RASSF8: variants seen among roughly 807,000 people sequenced by gnomAD.
The protein encoded by RASSF8 is ras association domain-containing protein 8.
Under a neutral mutation model 48.5 loss-of-function variants are expected in RASSF8, and 22 were observed. That is an observed-to-expected ratio of 0.45 (90% CI 0.32 to 0.65). The LOEUF is 0.65. Ranked by LOEUF, RASSF8 falls within the 30% of genes least tolerant of loss-of-function variation. The probability of loss-of-function intolerance (pLI) is 0.03; values close to 1 mark genes in which losing one functional copy is unlikely to be tolerated. For missense variants in RASSF8, 418 were observed against 489.2 expected, an observed-to-expected ratio of 0.85 and a Z score of 1.37; for synonymous variants, 127 against 171.5, an observed-to-expected ratio of 0.74 and a Z score of 2.03.
At chr12:26,066,090 A>G (rs944716356) in intron 4 of RASSF8, among the ~76,000 whole-genome samples, 1 of 152,202 alleles carries the variant, frequency 6.6e-6, no homozygotes, top group Non-Finnish European at 1.5e-5. Flanking sequence ...TTAAATTAAG[A>G]TTAAATAATA....
chr12:25,972,957 T>C (rs1231428230), intron 1 of RASSF8, among the ~76,000 whole-genome samples: 1 of 152,234 alleles, frequency 6.6e-6, no homozygotes, highest in Non-Finnish European at 1.5e-5. Context: ...ATGTACTCTT[T>C]GGTGTCTTGG....
At chr12:26,008,908 G>A (rs1410252542) in intron 2 of RASSF8, among the ~76,000 whole-genome samples, 1 of 152,002 alleles carries the variant, frequency 6.6e-6, no homozygotes. Flanking sequence ...TGGTCCTGGT[G>A]CATAGCCAGT....
At chr12:25,977,837 A>G (rs551286075) in intron 1 of RASSF8, among the ~76,000 whole-genome samples, 1 of 152,336 alleles carries the variant, frequency 6.6e-6, no homozygotes, top group Admixed American at 6.5e-5. Flanking sequence ...GACACCAAAC[A>G]GTCTGTGGAA....
chr12:26,005,795 C>T (rs1042568933), intron 2 of RASSF8, among the ~76,000 whole-genome samples: 1 of 152,172 alleles, frequency 6.6e-6, no homozygotes, highest in African/African-American at 2.4e-5. Flanking sequence ...CTTTCTTTTA[C>T]TTTCTCCCAG....
chr12:25,993,877 G>A (rs1485278852), intron 1 of RASSF8, among the ~76,000 whole-genome samples: 2 of 152,096 alleles, frequency 1.3e-5, no homozygotes, highest in African/African-American at 4.8e-5. Context: ...TTTAAGATTT[G>A]GAAGCGGGCA....
Position 26,070,222 on chromosome 12 carries a change from T to C in RASSF8, c.*1404T>C, listed in dbSNP as rs1591823362. On this transcript the variant is annotated 3_prime_UTR_variant, in exon 6 of 6. Coordinates refer to ENST00000689635, the MANE Select transcript of RASSF8 (RefSeq NM_001394098.1). ...GCAACAAAATAAAAGTGGATTAATA[T>C]AGTAATGCCATGGTAACAATAGAGC... The C allele has an allele frequency of 1.0e-6, 1 of 970,764 alleles. No homozygotes were observed. Among genetic ancestry groups the C allele is most frequent in the South Asian group, 4.8e-5 (1 of 20,920 alleles). 60.1% of individuals were successfully genotyped at this position (970,764 alleles called of 1,614,324 possible).
chr12:26,023,418 A>G lies in RASSF8; in HGVS notation c.-109+28288A>G, dbSNP rs533134225. ...AAAGTGTTATTGCTTAAAAGGAAAC[A>G]TTAAGATTAATAGCTGACTTCTCAT... On this transcript the variant is annotated intron_variant, in intron 2 of 5. Transcript: ENST00000689635. Among the ~76,000 whole-genome samples, 9 of 152,360 alleles carry G rather than the reference A, an allele frequency of 5.9e-5. No individual in the cohort carries two copies. In the South Asian group the frequency reaches 1.9e-3, roughly 32 times the overall value.
chr12:26,071,332 A>C lies in RASSF8; in HGVS notation c.*2514A>C. 5.1e-6 allele frequency: 5 copies of C among 972,638 alleles called. No homozygotes were observed. The highest frequency in any genetic ancestry group is 6.1e-6 in the Non-Finnish European group (5 of 818,306). The allele number at this position is 972,638 out of a possible 1,614,324, so 60.3% of individuals were successfully genotyped here. On this transcript the variant is annotated 3_prime_UTR_variant, in exon 6 of 6. Coordinates refer to ENST00000689635, the MANE Select transcript of RASSF8 (RefSeq NM_001394098.1). ...GTAGTGGGCAATGGTATACAAAAAT[A>C]CCAAATATAAAATTTTCATCTGGGG...
intron 1 of RASSF8, among the ~76,000 whole-genome samples, chr12:25,978,886 A>T (rs1187781675): frequency 6.6e-6 from 1 of 152,096 alleles, no homozygotes; most frequent in South Asian, 2.1e-4. Context: ...GGAAGAGAGG[A>T]TGTTTCTTGC....
At chr12:25,964,267 T>C (rs775612766) in intron 1 of RASSF8, among the ~76,000 whole-genome samples, 1 of 152,038 alleles carries the variant, frequency 6.6e-6, no homozygotes, top group Non-Finnish European at 1.5e-5. Context: ...CTATAGGATT[T>C]AGAAAGCTAT....
chr12:25,968,120 C>T (rs1284183574), intron 1 of RASSF8, among the ~76,000 whole-genome samples: 1 of 152,202 alleles, frequency 6.6e-6, no homozygotes, highest in African/African-American at 2.4e-5. Flanking sequence ...GTGCTTATTG[C>T]TTCTACTACT....
chr12:26,057,451 A>G (rs1160927183), intron 3 of RASSF8, among the ~76,000 whole-genome samples: 2 of 152,174 alleles, frequency 1.3e-5, no homozygotes, highest in African/African-American at 2.4e-5. Context: ...TACAAAGGAC[A>G]TGGACTCATC....
intron 2 of RASSF8, among the ~76,000 whole-genome samples, chr12:26,016,198 GT>G (rs751614099): frequency 0.01 from 1,172 of 115,332 alleles, 19 homozygotes; most frequent in South Asian, 0.046. Context: ...ATTAAGGGCT[GT>G]TTTTGGGTTT....
chr12:25,963,175 G>A (rs1198408768), intron 1 of RASSF8, among the ~76,000 whole-genome samples: 2 of 152,072 alleles, frequency 1.3e-5, no homozygotes, highest in African/African-American at 4.8e-5. Flanking sequence ...GTGCTGTCCA[G>A]CTGTTGATGT....
chr12:26,070,887 T>TA lies in RASSF8; in HGVS notation c.*2069_*2070insA, dbSNP rs1301693010. On this transcript the variant is annotated 3_prime_UTR_variant, in exon 6 of 6. Coordinates refer to ENST00000689635, the MANE Select transcript of RASSF8 (RefSeq NM_001394098.1). The stretch of plus-strand genomic sequence containing the variant: ...AAAAACACTGTCAATATCCAACTCA[T>TA]TATAAATTGTTATCAGAATTAACCT... The TA allele has an allele frequency of 1.0e-6, 1 of 984,788 alleles. No homozygotes were observed. Among genetic ancestry groups the TA allele is most frequent in the Non-Finnish European group, 1.2e-6 (1 of 829,460 alleles). 61.0% of individuals were successfully genotyped at this position (984,788 alleles called of 1,614,324 possible).
At chr12:25,961,633 A>G (rs551439592) in intron 1 of RASSF8, among the ~76,000 whole-genome samples, 78 of 152,278 alleles carry the variant, frequency 5.1e-4, no homozygotes, top group Admixed American at 1.2e-3. Flanking sequence ...CTACAGTTGC[A>G]TTTCTGGAAA....
At chr12:26,027,119 A>T (rs1399621915) in intron 2 of RASSF8, among the ~76,000 whole-genome samples, 1 of 152,244 alleles carries the variant, frequency 6.6e-6, no homozygotes, top group Non-Finnish European at 1.5e-5. Flanking sequence ...TTTTATTTAT[A>T]TGAAATATCC....
rs961978944 is a variant in RASSF8 at position 26,065,407 on chromosome 12, T to C, written c.993+20T>C. The C allele has an allele frequency of 2.5e-6, 4 of 1,571,548 alleles. No individual in the cohort carries two copies. Among genetic ancestry groups the C allele is most frequent in the African/African-American group, 1.4e-5 (1 of 73,288 alleles). ...TTACAGGTAGGGACACTTTGATAAA[T>C]AGAATGTTTGGCCCATGTAAAATAG... On this transcript the variant is annotated intron_variant, in intron 4 of 5. Transcript: ENST00000689635.
intron 2 of RASSF8, among the ~76,000 whole-genome samples, chr12:25,996,594 A>G (rs1942139992): frequency 6.6e-6 from 1 of 152,170 alleles, no homozygotes; most frequent in Non-Finnish European, 1.5e-5. Flanking sequence ...GCTGCTGAAG[A>G]GTTTTCATTT....
Sources: allele counts gnomAD v4.1 joint callset (sites outside exome capture counted in the v4.1 genomes callset), GRCh38; gene constraint gnomAD v4.1.1; transcripts MANE v1.5; gene names NCBI Gene and HGNC (gene_info 2026-07-23, HGNC 2026-07-21).